KCNK3: variants seen among roughly 807,000 people sequenced by gnomAD.
KCNK3 encodes potassium two pore domain channel subfamily K member 3.
Under a neutral mutation model 27.3 loss-of-function variants are expected in KCNK3, and 9 were observed. That is an observed-to-expected ratio of 0.33 (90% CI 0.20 to 0.57). The LOEUF (loss-of-function observed/expected upper bound fraction) is 0.57. Ranked by LOEUF, KCNK3 falls within the 20% of genes least tolerant of loss-of-function variation. The probability of loss-of-function intolerance (pLI) is 0.87; values close to 1 mark genes in which losing one functional copy is unlikely to be tolerated. For missense variants in KCNK3, 391 were observed against 577.7 expected (o/e 0.68, Z 3.31); for synonymous variants, 278 against 273.8 (o/e 1.02, Z -0.15).
At chr2:26,712,607 T>G (rs1479194488) in intron 1 of KCNK3, among the ~76,000 whole-genome samples, 1 of 151,590 alleles carries the variant, frequency 6.6e-6, no homozygotes, top group Admixed American at 6.6e-5. Flanking sequence ...CTATAACCTA[T>G]CGGGATGGTG....
intron 1 of KCNK3, among the ~76,000 whole-genome samples, chr2:26,702,732 A>G (rs1670324942): frequency 6.6e-6 from 1 of 152,162 alleles, no homozygotes; most frequent in South Asian, 2.1e-4. Context: ...GGTAGGAGAT[A>G]CATATTAAGA....
chr2:26,728,382 C>A lies in KCNK3; in HGVS notation c.999C>A (p.Leu333=). The A allele has an allele frequency of 6.2e-7, 1 of 1,607,696 alleles. No homozygotes were observed. The highest frequency in any genetic ancestry group is 8.5e-7 in the Non-Finnish European group (1 of 1,177,492). The part of the protein sequence containing the change: ...YSIPMIIPRD[L]STSDTCVEQS... The stretch of plus-strand genomic sequence containing the variant: ...TCCCCATGATCATCCCGCGGGACCT[C>A]TCCACGTCCGACACGTGCGTGGAGC... Residue 333 remains leucine (L), a synonymous_variant, in exon 2 of 2, where the codon CTC becomes CTA. Transcript: ENST00000302909.
chr2:26,698,516 C>A (rs1195797666), intron 1 of KCNK3, among the ~76,000 whole-genome samples: 1 of 152,196 alleles, frequency 6.6e-6, no homozygotes, highest in Non-Finnish European at 1.5e-5. Flanking sequence ...GTGCCTGGTA[C>A]AGAGAAGGCA....
Position 26,730,525 on chromosome 2 carries a change from A to G in KCNK3, c.*1957A>G, listed in dbSNP as rs1473985998. 6.6e-6 allele frequency: 1 copy of G among 152,412 alleles called. No individual in the cohort carries two copies. 9.4% of individuals were successfully genotyped at this position (152,412 alleles called of 1,614,324 possible). Reference sequence around the variant, plus strand: ...TCTCCTCCCGCAACACTGCCTTCCCATGCTGTTCCCCTGCCAGCTCCTTAA... The same window carrying G: ...TCTCCTCCCGCAACACTGCCTTCCCGTGCTGTTCCCCTGCCAGCTCCTTAA... On this transcript the variant is annotated 3_prime_UTR_variant, in exon 2 of 2. Coordinates refer to ENST00000302909, the MANE Select transcript of KCNK3 (RefSeq NM_002246.3).
At chr2:26,720,736 G>A (rs1275595243) in intron 1 of KCNK3, among the ~76,000 whole-genome samples, 1 of 152,184 alleles carries the variant, frequency 6.6e-6, no homozygotes, top group Non-Finnish European at 1.5e-5. Context: ...GAAGAGCTGG[G>A]AGAGGAGATG....
At chr2:26,717,236 G>T in intron 1 of KCNK3, among the ~76,000 whole-genome samples, 1 of 152,124 alleles carries the variant, frequency 6.6e-6, no homozygotes, top group East Asian at 1.9e-4. Context: ...CTGCCCACTG[G>T]GTGAGATTTC....
intron 1 of KCNK3, among the ~76,000 whole-genome samples, chr2:26,709,133 G>A (rs368456710): frequency 7.2e-5 from 11 of 152,302 alleles, no homozygotes; most frequent in African/African-American, 2.6e-4. Flanking sequence ...CCAGAGAGTA[G>A]CAGGTTTGGT....
At chr2:26,722,828 T>G (rs2148268135) in intron 1 of KCNK3, among the ~76,000 whole-genome samples, 1 of 152,268 alleles carries the variant, frequency 6.6e-6, no homozygotes, top group African/African-American at 2.4e-5. Flanking sequence ...CTTCCAAAAT[T>G]TTGCCTCTGT....
At chr2:26,705,503 T>C (rs1357773761) in intron 1 of KCNK3, among the ~76,000 whole-genome samples, 1 of 152,280 alleles carries the variant, frequency 6.6e-6, no homozygotes, top group East Asian at 1.9e-4. Flanking sequence ...TCAGTGAACG[T>C]GGGAGCCAGA....
rs542229451 is a variant in KCNK3, at chr2:26,696,024, G to A, written c.283+2866G>A. ...TGGGCTGTGATCAGATGGTAGAAAGGGGCCTTAGTTAGGCTGATAATGGCC... is the reference window on the plus strand; with the variant it reads ...TGGGCTGTGATCAGATGGTAGAAAGAGGCCTTAGTTAGGCTGATAATGGCC... On this transcript the variant is annotated intron_variant, in intron 1 of 1. Transcript: ENST00000302909. Among the ~76,000 whole-genome samples, 5 of 152,316 alleles carry A rather than the reference G, an allele frequency of 3.3e-5. No homozygotes were observed. In the South Asian group the frequency reaches 1.0e-3, roughly 32 times the overall value.
intron 1 of KCNK3, among the ~76,000 whole-genome samples, chr2:26,706,178 G>A (rs1275982725): frequency 4.6e-5 from 7 of 152,212 alleles, no homozygotes; most frequent in African/African-American, 1.7e-4. Flanking sequence ...TCAGAAACAT[G>A]CAAAGGTGGC....
chr2:26,724,917 G>A (rs1191265825), intron 1 of KCNK3, among the ~76,000 whole-genome samples: 3 of 152,128 alleles, frequency 2.0e-5, no homozygotes, highest in Non-Finnish European at 2.9e-5. Flanking sequence ...TTGGCTGGGT[G>A]TGGGCTAAGG....
At chr2:26,697,264 G>C (rs1307092741) in intron 1 of KCNK3, among the ~76,000 whole-genome samples, 1 of 152,138 alleles carries the variant, frequency 6.6e-6, no homozygotes, top group Non-Finnish European at 1.5e-5. Context: ...TTTGGGAGGC[G>C]GAGGCAGAAG....
At chr2:26,720,558 TG>T (rs1404787025) in intron 1 of KCNK3, among the ~76,000 whole-genome samples, 2 of 152,020 alleles carry the variant, frequency 1.3e-5, no homozygotes, top group East Asian at 3.9e-4. Context: ...GGGTGGGGGA[TG>T]GGGGCTTTGG....
intron 1 of KCNK3, among the ~76,000 whole-genome samples, chr2:26,718,932 C>T (rs943096986): frequency 1.3e-5 from 2 of 152,162 alleles, no homozygotes; most frequent in Non-Finnish European, 2.9e-5. Context: ...TTCATATTAG[C>T]GTGGGATCCC....
At position 26,708,913 on chromosome 2, in the gene KCNK3, G is replaced by A. The variant is rs1029312751; in HGVS notation, c.283+15755G>A. Among the ~76,000 whole-genome samples the A allele has an allele frequency of 3.3e-5, 5 of 152,300 alleles. No homozygotes were observed. The South Asian group carries it at 6.2e-4, about 19-fold the overall frequency. On this transcript the variant is annotated intron_variant, in intron 1 of 1. Transcript: ENST00000302909. ...CCAAAGAGAGGATGGTGGCGGACTG[G>A]ACCAGCGTGGTGGTGGTGGAGACAG...
intron 1 of KCNK3, among the ~76,000 whole-genome samples, chr2:26,723,633 C>A (rs1417923980): frequency 6.6e-6 from 1 of 152,228 alleles, no homozygotes; most frequent in Non-Finnish European, 1.5e-5. Flanking sequence ...CTGGTTCTGG[C>A]ATTCACAAGC....
intron 1 of KCNK3, among the ~76,000 whole-genome samples, chr2:26,699,242 A>C (rs1407767372): frequency 5.3e-5 from 8 of 150,378 alleles, no homozygotes; most frequent in African/African-American, 2.0e-4. Context: ...AGAAAGAAAG[A>C]AAGAAAGAAA....
chr2:26,707,088 C>T (rs1670384631), intron 1 of KCNK3, among the ~76,000 whole-genome samples: 1 of 152,138 alleles, frequency 6.6e-6, no homozygotes, highest in African/African-American at 2.4e-5. Flanking sequence ...GTGTCTAGTC[C>T]CAAGAATAGA....
Sources: gnomAD v4.1 joint callset for allele counts (sites outside exome capture counted in the v4.1 genomes callset) on GRCh38, gnomAD v4.1.1 for gene constraint, MANE v1.5 for transcripts, NCBI Gene and HGNC (gene_info 2026-07-23, HGNC 2026-07-21) for gene names.